INTS15: variants seen among roughly 807,000 people sequenced by gnomAD.
INTS15 encodes uncharacterized protein C7orf26.
the INTS15 span, chr7:6,590,458 C>T: frequency 2.9e-5 from 46 of 1,591,806 alleles, no homozygotes; most frequent in Non-Finnish European, 3.8e-5. Flanking sequence ...GCCCAAGGAG[C>T]GCAGCGCGCA....
the INTS15 span, among the ~76,000 whole-genome samples, chr7:6,604,014 A>G: frequency 6.6e-6 from 1 of 152,112 alleles, no homozygotes; most frequent in Non-Finnish European, 1.5e-5. Context: ...AAAAAAGAAA[A>G]AGTGAAAACA....
chr7:6,595,018 G>A, the INTS15 span, among the ~76,000 whole-genome samples: 1 of 151,632 alleles, frequency 6.6e-6, no homozygotes, highest in Non-Finnish European at 1.5e-5. Flanking sequence ...GTGCACCACC[G>A]TGCCCAGCTG....
At chr7:6,590,431 G>C in the INTS15 span, 17 of 1,602,094 alleles carry the variant, frequency 1.1e-5, no homozygotes, top group Non-Finnish European at 1.4e-5. Context: ...GCTGCTGGAG[G>C]AGTTCGTGTT....
the INTS15 span, chr7:6,601,965 G>C: frequency 1.3e-6 from 1 of 791,824 alleles, no homozygotes; most frequent in Non-Finnish European, 2.1e-6. Context: ...CTAGAACTCA[G>C]TTTCTAAATG....
chr7:6,599,801 C>T, the INTS15 span: 4 of 1,604,032 alleles, frequency 2.5e-6, no homozygotes, highest in African/African-American at 4.0e-5. Context: ...GCCAAGAGTG[C>T]TCCTGACCTA....
At chr7:6,597,038 A>T in the INTS15 span, among the ~76,000 whole-genome samples, 1 of 151,074 alleles carries the variant, frequency 6.6e-6, no homozygotes, top group East Asian at 2.0e-4. Context: ...TCGGCCTCCC[A>T]AAAATGCTGG....
chr7:6,601,945 C>G, the INTS15 span, among the ~76,000 whole-genome samples: 2 of 152,260 alleles, frequency 1.3e-5, no homozygotes, highest in African/African-American at 4.8e-5. Context: ...GCGTGAGCCA[C>G]TGCGCCCGGC....
At chr7:6,602,002 C>G in the INTS15 span, 1 of 1,063,442 alleles carries the variant, frequency 9.4e-7, no homozygotes, top group Admixed American at 1.9e-5. Context: ...GTATGAGGCG[C>G]TCTTGCTGTC....
At chr7:6,608,447 C>T in the INTS15 span, 11 of 1,304,134 alleles carry the variant, frequency 8.4e-6, no homozygotes, top group Admixed American at 3.8e-5. Context: ...ATTTCAGACA[C>T]AGCCTGTGTG....
chr7:6,607,767 C>T, the INTS15 span: 1 of 1,484,354 alleles, frequency 6.7e-7, no homozygotes, highest in South Asian at 1.3e-5. The surrounding 1 kb of genome is among the most constrained non-coding windows in gnomAD (Gnocchi z 6.0). Flanking sequence ...AGAGCCCACT[C>T]CCACGCATCC....
At chr7:6,595,797 C>T in the INTS15 span, among the ~76,000 whole-genome samples, 1 of 152,156 alleles carries the variant, frequency 6.6e-6, no homozygotes, top group Admixed American at 6.6e-5. Flanking sequence ...ATACTCCCAC[C>T]CCAGCCTTCC....
At chr7:6,598,785 G>GTGTGTGTGTGTGTGTGTTT in the INTS15 span, among the ~76,000 whole-genome samples, 1 of 86,566 alleles carries the variant, frequency 1.2e-5, no homozygotes. Context: ...GTGTGTGTGT[G>GTGTGTGTGTGTGTGTGTTT]TATTTTTTTT....
At chr7:6,606,507 G>A in the INTS15 span, among the ~76,000 whole-genome samples, 1 of 152,134 alleles carries the variant, frequency 6.6e-6, no homozygotes, top group East Asian at 1.9e-4. Flanking sequence ...GGCTGGCCTT[G>A]GTGTTAGGAG....
the INTS15 span, among the ~76,000 whole-genome samples, chr7:6,596,526 G>A: frequency 6.6e-6 from 1 of 151,048 alleles, no homozygotes; most frequent in African/African-American, 2.4e-5. Context: ...TTGTAGGTGT[G>A]CGCCACCACA....
chr7:6,595,083 G>A, the INTS15 span, among the ~76,000 whole-genome samples: 1 of 152,084 alleles, frequency 6.6e-6, no homozygotes, highest in Non-Finnish European at 1.5e-5. Context: ...CCTGGCTGGA[G>A]TGCAGAGGCG....
the INTS15 span, among the ~76,000 whole-genome samples, chr7:6,601,612 A>G: frequency 6.7e-6 from 1 of 150,234 alleles, no homozygotes; most frequent in African/African-American, 2.4e-5. Context: ...CGGGTTTTTT[A>G]AAGCAAAAAT....
chr7:6,591,889 C>T, the INTS15 span: 20 of 1,602,570 alleles, frequency 1.2e-5, no homozygotes, highest in East Asian at 4.5e-5. Flanking sequence ...GAGAGACCCT[C>T]GGCCGGGTGC....
At chr7:6,605,334 C>T in the INTS15 span, among the ~76,000 whole-genome samples, 1 of 152,086 alleles carries the variant, frequency 6.6e-6, no homozygotes. Flanking sequence ...TCCACAGCAT[C>T]GAAGAACATT....
chr7:6,591,507 G>T, the INTS15 span: 1 of 652,966 alleles, frequency 1.5e-6, no homozygotes, highest in Non-Finnish European at 2.7e-6. Flanking sequence ...CTCGTGATTC[G>T]CCCACCTTGG....
Sources: allele counts gnomAD v4.1 joint callset (sites outside exome capture counted in the v4.1 genomes callset), GRCh38; gene constraint gnomAD v4.1.1; non-coding constraint Gnocchi (gnomAD v3.1); transcripts MANE v1.5; gene names NCBI Gene and HGNC (gene_info 2026-07-23, HGNC 2026-07-21).